Variants in EPHA5 observed in about 807,000 individuals in gnomAD.
EPHA5 encodes the protein EPH receptor A5, also known as ephrin type-A receptor 5.
Under a neutral mutation model 105.0 loss-of-function variants are expected in EPHA5, and 60 were observed. That is an observed-to-expected ratio of 0.57 (90% CI 0.46 to 0.71). The LOEUF (loss-of-function observed/expected upper bound fraction) is 0.71, where lower values mean the gene tolerates loss of function less well. EPHA5 is among the 30% of genes least tolerant of loss of function. The pLI, the probability that EPHA5 is intolerant of heterozygous loss-of-function variation, is 0.00. For synonymous variants in EPHA5, 513 were observed against 449.1 expected (o/e 1.14, Z -1.80); for missense variants, 1,218 against 1,274.7 (o/e 0.96, Z 0.68).
At chr4:65,656,131 T>TAAAAAAAAAAAAAAAA (rs34038643) in intron 1 of EPHA5, among the ~76,000 whole-genome samples, 1 of 109,612 alleles carries the variant, frequency 9.1e-6, no homozygotes, top group Non-Finnish European at 1.8e-5. Flanking sequence ...TGCTGCTGCT[T>TAAAAAAAAAAAAAAAA]AAAAAAAAAA....
At chr4:65,368,255 T>C (rs1718117525) in intron 8 of EPHA5, among the ~76,000 whole-genome samples, 1 of 152,134 alleles carries the variant, frequency 6.6e-6, no homozygotes, top group African/African-American at 2.4e-5. Flanking sequence ...TCTATCCGTT[T>C]AATTAATACT....
At chr4:65,616,849 T>C (rs924083323) in intron 2 of EPHA5, among the ~76,000 whole-genome samples, 2 of 152,104 alleles carry the variant, frequency 1.3e-5, no homozygotes, top group African/African-American at 2.4e-5. Context: ...AAATATTTCA[T>C]AGAAAACAAA....
intron 3 of EPHA5, among the ~76,000 whole-genome samples, chr4:65,586,879 T>G (rs1479406831): frequency 6.6e-6 from 1 of 152,118 alleles, no homozygotes; most frequent in Non-Finnish European, 1.5e-5. Flanking sequence ...TGAATTTTAT[T>G]TTTTCTAAAA....
intron 3 of EPHA5, among the ~76,000 whole-genome samples, chr4:65,507,661 CCCTA>C (rs1733187506): frequency 6.6e-6 from 1 of 152,066 alleles, no homozygotes; most frequent in South Asian, 2.1e-4. Context: ...TGATTTTCCT[CCCTA>C]TTTGTCTGTT....
intron 5 of EPHA5, among the ~76,000 whole-genome samples, chr4:65,487,871 ACTCT>A (rs945843124): frequency 6.6e-5 from 10 of 152,004 alleles, no homozygotes; most frequent in Non-Finnish European, 1.5e-4. Context: ...TGATCAATTG[ACTCT>A]CTCTGGGGAG....
intron 6 of EPHA5, among the ~76,000 whole-genome samples, chr4:65,414,875 T>C (rs1156783000): frequency 6.6e-6 from 1 of 152,222 alleles, no homozygotes; most frequent in Non-Finnish European, 1.5e-5. Flanking sequence ...GTAAGACTTA[T>C]GCTTTAACTC....
intron 12 of EPHA5, 115 bp from the exon 13 acceptor site, chr4:65,351,713 A>G (rs944574684): frequency 6.9e-5 from 59 of 848,974 alleles, no homozygotes; most frequent in Non-Finnish European, 9.8e-5. Flanking sequence ...ATTCATATGC[A>G]ATTTCTATCT....
chr4:65,397,520 C>T lies in EPHA5; in HGVS notation c.1793+6854G>A, dbSNP rs957118489. 3.0e-4 allele frequency among the ~76,000 whole-genome samples: 45 copies of T among 152,244 alleles called. 1 individual carries two copies. Among genetic ancestry groups the T allele is most frequent in the African/African-American group, 1.1e-3 (45 of 41,544 alleles). ...TTATTTCTCTCTTAAAGTTTAACTG[C>T]CCCCATACAAGACTTAATTTTTTTG... On this transcript the variant is annotated intron_variant, in intron 8 of 16. Transcript: ENST00000613740.
chr4:65,457,361 A>G (rs568202184), intron 5 of EPHA5, among the ~76,000 whole-genome samples: 3 of 152,210 alleles, frequency 2.0e-5, no homozygotes, highest in Non-Finnish European at 4.4e-5. Flanking sequence ...TAGGATCATT[A>G]TAAGCATTGA....
At chr4:65,638,351 A>G (rs1030693140) in intron 2 of EPHA5, among the ~76,000 whole-genome samples, 1 of 152,190 alleles carries the variant, frequency 6.6e-6, no homozygotes, top group Non-Finnish European at 1.5e-5. Flanking sequence ...AGAGGAAGAA[A>G]CTATATGTAA....
rs568263686 is a variant in EPHA5 at position 65,423,362 on chromosome 4, G to A, written c.1403-2797C>T. Reference sequence around the variant, plus strand: ...CATTTTTTCCCCAGCATTCAATATTGTACTTTTTGGAAGAAAGTCACTATT... The same window carrying A: ...CATTTTTTCCCCAGCATTCAATATTATACTTTTTGGAAGAAAGTCACTATT... On this transcript the variant is annotated intron_variant, in intron 5 of 16. Transcript: ENST00000613740. 3.9e-5 allele frequency among the ~76,000 whole-genome samples: 6 copies of A among 151,916 alleles called. No homozygotes were observed. In the East Asian group the frequency reaches 1.2e-3, roughly 29 times the overall value.
At chr4:65,431,941 G>T (rs931735469) in intron 5 of EPHA5, among the ~76,000 whole-genome samples, 3 of 152,030 alleles carry the variant, frequency 2.0e-5, no homozygotes, top group African/African-American at 2.4e-5. Flanking sequence ...CAGGAAAGTG[G>T]TATGAGATAT....
At chr4:65,395,515 A>G (rs1203494545) in intron 8 of EPHA5, among the ~76,000 whole-genome samples, 1 of 152,214 alleles carries the variant, frequency 6.6e-6, no homozygotes, top group African/African-American at 2.4e-5. Context: ...ACCGTTTTAT[A>G]CAAATTTACT....
intron 8 of EPHA5, among the ~76,000 whole-genome samples, chr4:65,385,761 C>T (rs558803664): frequency 5.3e-5 from 8 of 151,702 alleles, no homozygotes; most frequent in African/African-American, 1.9e-4. Flanking sequence ...CAAAAATGTA[C>T]CTTTATAAAA....
intron 3 of EPHA5, among the ~76,000 whole-genome samples, chr4:65,567,138 A>C (rs186790096): frequency 3.1e-4 from 47 of 151,832 alleles, no homozygotes; most frequent in Non-Finnish European, 1.0e-4. Context: ...AACAATCTTT[A>C]AGTTCATAGA....
intron 2 of EPHA5, among the ~76,000 whole-genome samples, chr4:65,606,683 C>T (rs76007590): frequency 0.032 from 4,926 of 152,116 alleles, 262 homozygotes; most frequent in African/African-American, 0.11. Flanking sequence ...TATTTGTGAG[C>T]CTATGTTTTC....
At chr4:65,387,582 C>G (rs1024381699) in intron 8 of EPHA5, among the ~76,000 whole-genome samples, 1 of 151,762 alleles carries the variant, frequency 6.6e-6, no homozygotes, top group Admixed American at 6.6e-5. Flanking sequence ...TAAAAAAAAG[C>G]CTTACCCTGG....
At chr4:65,356,746 G>C (rs747948406) in intron 11 of EPHA5, among the ~76,000 whole-genome samples, 4 of 151,458 alleles carry the variant, frequency 2.6e-5, no homozygotes, top group Admixed American at 6.6e-5. Context: ...GGACCCATTC[G>C]ATTATTCTTC....
intron 3 of EPHA5, among the ~76,000 whole-genome samples, chr4:65,571,485 A>G (rs575752055): frequency 6.6e-6 from 1 of 152,216 alleles, no homozygotes; most frequent in Non-Finnish European, 1.5e-5. Context: ...GAAACTGTCA[A>G]TTCTTTAACA....
Sources: allele counts gnomAD v4.1 joint callset (sites outside exome capture counted in the v4.1 genomes callset), GRCh38; gene constraint gnomAD v4.1.1; transcripts MANE v1.5; gene names NCBI Gene and HGNC (gene_info 2026-07-23, HGNC 2026-07-21).